The following WDR47 variants were observed in gnomAD, a reference collection of about 807,000 sequenced individuals.
WDR47 encodes WD repeat-containing protein 47.
Under a neutral mutation model 97.2 loss-of-function variants are expected in WDR47, and 32 were observed. The ratio of observed to expected loss-of-function variants is 0.33; its 90% CI spans 0.25 to 0.44. The LOEUF is 0.44. Among genes scored for constraint, WDR47 ranks in the 20% least tolerant of loss-of-function variants. WDR47 has a pLI of 1.00. For missense variants in WDR47, 782 were observed against 1,102.3 expected (o/e 0.71, Z 4.11); for synonymous variants, 375 against 373.5 (o/e 1.00, Z -0.05).
chr1:108,978,446 T>C (rs1658094158), intron 13 of WDR47, among the ~76,000 whole-genome samples: 1 of 149,790 alleles, frequency 6.7e-6, no homozygotes, highest in Admixed American at 6.7e-5. Context: ...GCCACTGCAC[T>C]CCAGCCTGGG....
intron 13 of WDR47, among the ~76,000 whole-genome samples, chr1:108,978,349 G>A (rs1658085588): frequency 1.3e-5 from 2 of 151,880 alleles, no homozygotes; most frequent in Non-Finnish European, 2.9e-5. Flanking sequence ...CATGGTAGCA[G>A]GCGCCTGTAG....
At chr1:108,974,255 G>A (rs750517013) in intron 14 of WDR47, among the ~76,000 whole-genome samples, 12 of 152,010 alleles carry the variant, frequency 7.9e-5, no homozygotes, top group African/African-American at 2.2e-4. Context: ...TTTGGGAGAC[G>A]AAGGCGGATG....
In WDR47 at chr1:109,002,151, A is replaced by C. The variant is rs112358715; in HGVS notation, c.1433+73T>G. ...CTTAAAATGTCAAACTATACATAGA[A>C]AGTAGCAGTTATTGCATGTTTTAAA... On this transcript the variant is annotated intron_variant, in intron 7 of 14. Transcript: ENST00000369962. 42 of 1,427,486 alleles carry C rather than the reference A, an allele frequency of 2.9e-5. No homozygotes were observed. The African/African-American group carries it at 3.3e-4, about 11-fold the overall frequency. The allele number at this position is 1,427,486 out of a possible 1,614,324, so 88.4% of individuals were successfully genotyped here. A position where few individuals can be genotyped will look rare whatever the true frequency, so the allele number is the denominator to read the frequency against.
intron 13 of WDR47, among the ~76,000 whole-genome samples, chr1:108,975,167 T>C (rs1402190480): frequency 3.3e-5 from 5 of 151,942 alleles, no homozygotes; most frequent in Non-Finnish European, 7.4e-5. Context: ...GACAACAGTA[T>C]AGGAAATGTA....
chr1:109,000,810 A>T (rs1404815498), intron 7 of WDR47, among the ~76,000 whole-genome samples: 1 of 152,130 alleles, frequency 6.6e-6, no homozygotes, highest in African/African-American at 2.4e-5. Flanking sequence ...TACTTCCAAT[A>T]TTGTTGAATC....
chr1:109,014,907 TGTA>T (rs1368244770), intron 3 of WDR47, among the ~76,000 whole-genome samples: 1 of 152,188 alleles, frequency 6.6e-6, no homozygotes, highest in Non-Finnish European at 1.5e-5. Flanking sequence ...CAGCCACTGT[TGTA>T]GTAGCAAATT....
chr1:108,986,998 T>C, intron 9 of WDR47: 1 of 228,906 alleles, frequency 4.4e-6, no homozygotes. Context: ...CCAGGTAATA[T>C]TAAACCCCTA....
chr1:109,026,634 G>A (rs1662237181), intron 1 of WDR47, among the ~76,000 whole-genome samples: 1 of 151,960 alleles, frequency 6.6e-6, no homozygotes, highest in Non-Finnish European at 1.5e-5. Flanking sequence ...TTCTTAGAGG[G>A]CACATCACAT....
In WDR47 at chr1:108,971,536, C is replaced by T. The variant is rs1156290477; in HGVS notation, c.2654G>A (p.Gly885Glu). The change falls in exon 15 of 15, where the codon GGG becomes GAG. Residue 885 changes from glycine to glutamate, a missense_variant. Gly to Glu is a moderately conservative substitution (Grantham distance 98). This residue lies in a region of WDR47 where 228 missense variants were observed against 396.7 expected (regional missense o/e 0.57). Transcript: ENST00000369962. ...LTKQLPIMVV[G>E]EHKDKVIQCR... The stretch of plus-strand genomic sequence containing the variant: ...CTGAATCACTTTGTCCTTGTGCTCC[C>T]CCACCACCATGATAGGAAGCTGCTT... 1.9e-6 allele frequency: 3 copies of T among 1,614,076 alleles called. No individual in the cohort carries two copies. The highest frequency in any genetic ancestry group is 1.7e-6 in the Non-Finnish European group (2 of 1,180,028).
At chr1:109,003,577 C>T (rs959370981) in intron 6 of WDR47, among the ~76,000 whole-genome samples, 8 of 152,166 alleles carry the variant, frequency 5.3e-5, no homozygotes, top group African/African-American at 1.9e-4. Context: ...TGTTGGCTCA[C>T]TGCAACCTCC....
chr1:108,980,412 ATTCTC>A (rs1658251141), intron 13 of WDR47, among the ~76,000 whole-genome samples: 1 of 152,100 alleles, frequency 6.6e-6, no homozygotes, highest in Non-Finnish European at 1.5e-5. Context: ...GTACCATAGA[ATTCTC>A]TTCTAATTCT....
At chr1:109,025,311 G>C (rs1048211949) in intron 1 of WDR47, among the ~76,000 whole-genome samples, 2 of 151,508 alleles carry the variant, frequency 1.3e-5, no homozygotes, top group African/African-American at 4.9e-5. Flanking sequence ...TGTGCCTGTA[G>C]TTCCAGTTAC....
At position 108,984,653 on chromosome 1, in the gene WDR47, G is replaced by A. The variant is rs377405721; in HGVS notation, c.1926-1202C>T. ...CCAGCACTTTGGGAGGCCGAGGAGG[G>A]CGGATCAAGAGGTCAGGAAATCAAG... On this transcript the variant is annotated intron_variant, in intron 10 of 14. Coordinates refer to ENST00000369962, the MANE Select transcript of WDR47 (RefSeq NM_001142551.2). 9.9e-5 allele frequency among the ~76,000 whole-genome samples: 15 copies of A among 152,284 alleles called. No individual in the cohort carries two copies. The East Asian group carries it at 2.5e-3, about 26-fold the overall frequency.
chr1:109,025,772 C>T (rs769018501), intron 1 of WDR47, among the ~76,000 whole-genome samples: 6 of 151,884 alleles, frequency 4.0e-5, no homozygotes, highest in South Asian at 2.1e-4. Context: ...AAAAAAGTGG[C>T]GCTAGGGTAA....
intron 1 of WDR47, chr1:109,030,228 T>C: frequency 3.9e-6 from 6 of 1,557,692 alleles, no homozygotes; most frequent in Non-Finnish European, 8.7e-7. Flanking sequence ...ATGGTAGTTT[T>C]GTGTGTTGGC....
At chr1:109,017,838 C>G (rs891456514) in intron 2 of WDR47, among the ~76,000 whole-genome samples, 1 of 151,664 alleles carries the variant, frequency 6.6e-6, no homozygotes, top group Non-Finnish European at 1.5e-5. Flanking sequence ...CCTCTGACTC[C>G]TGTGTTCAAG....
intron 12 of WDR47, 78 bp from the exon 13 acceptor site, chr1:108,981,942 G>T: frequency 6.8e-7 from 1 of 1,480,554 alleles, no homozygotes; most frequent in Non-Finnish European, 9.1e-7. Flanking sequence ...GCACTCTAGA[G>T]TTGGGCAAGG....
intron 2 of WDR47, among the ~76,000 whole-genome samples, chr1:109,019,243 C>T (rs149088731): frequency 6.6e-6 from 1 of 151,950 alleles, no homozygotes; most frequent in African/African-American, 2.4e-5. Context: ...ATTAGCCAGG[C>T]GTGGTGGCAG....
At chr1:108,995,061 A>G (rs1297518142) in intron 8 of WDR47, among the ~76,000 whole-genome samples, 1 of 152,212 alleles carries the variant, frequency 6.6e-6, no homozygotes, top group Admixed American at 6.5e-5. Context: ...CTCCTTAACT[A>G]TTCCCATTGC....
Sources: allele counts gnomAD v4.1 joint callset (sites outside exome capture counted in the v4.1 genomes callset), GRCh38; gene constraint gnomAD v4.1.1; regional missense constraint gnomAD v4.1.1; transcripts MANE v1.5; gene names NCBI Gene and HGNC (gene_info 2026-07-23, HGNC 2026-07-21).